DDR1: variants seen among roughly 807,000 people sequenced by gnomAD.
DDR1 encodes epithelial discoidin domain-containing receptor 1.
DDR1 carries 64 observed loss-of-function variants against 97.4 expected under a neutral mutation model. The observed-to-expected ratio is 0.66, with a 90% CI of 0.54 to 0.81. The LOEUF is 0.81. Among genes scored for constraint, DDR1 ranks in the 30% least tolerant of loss-of-function variants. The probability of loss-of-function intolerance (pLI) is 0.00; values close to 1 mark genes in which losing one functional copy is unlikely to be tolerated. For missense variants in DDR1, 990 were observed against 1,259.6 expected (o/e 0.79, Z 3.24); for synonymous variants, 458 against 503.7 (o/e 0.91, Z 1.21).
rs1245009371 is a variant in DDR1, at chr6:30,899,227, G to T, written c.2673G>T (p.Glu891Asp). 1 of 1,614,216 alleles carries T rather than the reference G, an allele frequency of 6.2e-7. No individual in the cohort carries two copies. The highest frequency in any genetic ancestry group is 8.5e-7 in the Non-Finnish European group (1 of 1,180,040). Residue 891 changes from glutamate to aspartate, a missense_variant, in exon 18 of 18, where the codon GAG becomes GAT. Transcript: ENST00000376568. ...TGATGCTTCGGTGCTGGAGCCGGGA[G>T]TCTGAGCAGCGACCACCCTTTTCCC... is the stretch of plus-strand genomic sequence containing the variant. ...YELMLRCWSR[E>D]SEQRPPFSQL... is the part of the protein sequence containing the mutation.
At chr6:30,885,244 T>C in intron 1 of DDR1, 1 of 1,532,952 alleles carries the variant, frequency 6.5e-7, no homozygotes, top group South Asian at 1.2e-5. Context: ...GAGCGCCAGC[T>C]TCAGGGTCCC....
At position 30,899,242 on chromosome 6, in the gene DDR1, A is replaced by G; in HGVS notation, c.2688A>G (p.Pro896=). 1 of 1,614,070 alleles carries G rather than the reference A, an allele frequency of 6.2e-7. No homozygotes were observed. Residue 896 remains proline, a synonymous_variant, in exon 18 of 18, where the codon CCA becomes CCG. Transcript: ENST00000376568. ...GGAGCCGGGAGTCTGAGCAGCGACC[A>G]CCCTTTTCCCAGCTGCATCGGTTCC... The part of the protein sequence containing the change: ...RCWSRESEQR[P]PFSQLHRFLA...
chr6:30,892,828 C>T, intron 8 of DDR1: 3 of 584,548 alleles, frequency 5.1e-6, no homozygotes, highest in Non-Finnish European at 8.9e-6. Flanking sequence ...TGAGAAATAG[C>T]CTCTTCTCTA....
intron 7 of DDR1, 45 bp downstream of exon 7, chr6:30,892,233 G>A (rs2150350624): frequency 6.2e-7 from 1 of 1,608,226 alleles, no homozygotes; most frequent in South Asian, 1.1e-5. Flanking sequence ...GCCATGCAGG[G>A]TGCCGTTGGG....
Position 30,888,081 on chromosome 6 carries a change from C to T in DDR1, c.-42-607C>T, listed in dbSNP as rs1228023532. ...CACTTTCTACCACTTTTATATGTTA[C>T]AGCCTTAAAAAAATATCTTGTCAGT... On this transcript the variant is annotated intron_variant, in intron 1 of 17. Transcript: ENST00000376568. The surrounding 1 kb of genome is among the most constrained non-coding windows in gnomAD (Gnocchi z 4.2). Among the ~76,000 whole-genome samples, 2 of 152,124 alleles carry T rather than the reference C, an allele frequency of 1.3e-5. No individual in the cohort carries two copies. The highest frequency in any genetic ancestry group is 4.8e-5 in the African/African-American group (2 of 41,424).
At chr6:30,892,958 T>G in intron 8 of DDR1, 110 bp from the exon 9 acceptor site, 1 of 971,530 alleles carries the variant, frequency 1.0e-6, no homozygotes, top group Non-Finnish European at 1.6e-6. Flanking sequence ...TGGTTGCCTA[T>G]TGAGAATCAC....
In DDR1 at chr6:30,897,191, G is replaced by C; in HGVS notation, c.1997+50G>C. Reference sequence around the variant, plus strand: ...AAGAAGGGAGGGGAGGCCGTGAAGAGTGGGGAGCCATCTAGAGAGAACAAT... The same window carrying C: ...AAGAAGGGAGGGGAGGCCGTGAAGACTGGGGAGCCATCTAGAGAGAACAAT... On this transcript the variant is annotated intron_variant, in intron 14 of 17. Coordinates refer to ENST00000376568, the MANE Select transcript of DDR1 (RefSeq NM_001297654.2). The surrounding 1 kb of genome is among the most constrained non-coding windows in gnomAD (Gnocchi z 5.2). 2.5e-6 allele frequency: 4 copies of C among 1,605,630 alleles called. No homozygotes were observed. Among genetic ancestry groups the C allele is most frequent in the Non-Finnish European group, 3.4e-6 (4 of 1,176,412 alleles).
chr6:30,899,073 G>A (rs770720488), intron 17 of DDR1, 36 bp downstream of exon 17: 15 of 1,614,114 alleles, frequency 9.3e-6, no homozygotes, highest in Middle Eastern at 1.6e-4. Flanking sequence ...GGTCCGAGGC[G>A]GGGGACAGAA....
Position 30,891,542 on chromosome 6 carries a change from T to TGG in DDR1, c.665+64_665+65insGG, listed in dbSNP as rs1788266287. On this transcript the variant is annotated intron_variant, in intron 6 of 17. Coordinates refer to ENST00000376568, the MANE Select transcript of DDR1 (RefSeq NM_001297654.2). This position sits in a 1 kb window ranked among gnomAD's most constrained non-coding sequence, Gnocchi z 5.3. ...GGAGGGAGGACTGTGTGTGTGTGTG[T>TGG]GTGTGTGTGTGTGTGAGAGTGTGTG... is the stretch of plus-strand genomic sequence containing the variant. 1.1e-6 allele frequency: 1 copy of TGG among 910,934 alleles called. No individual in the cohort carries two copies. Among genetic ancestry groups the TGG allele is most frequent in the African/African-American group, 1.6e-5 (1 of 61,252 alleles). 56.4% of individuals were successfully genotyped at this position (910,934 alleles called of 1,614,324 possible).
At chr6:30,896,918 G>A (rs1035627645) in intron 13 of DDR1, 53 bp downstream of exon 13, 3 of 1,563,504 alleles carry the variant, frequency 1.9e-6, no homozygotes, top group Middle Eastern at 1.7e-4. Flanking sequence ...CTGATGCCAT[G>A]CCTGCGCATC....
In DDR1 at chr6:30,894,456, G is replaced by C; in HGVS notation, c.1348-50G>C. 1 of 1,537,562 alleles carries C rather than the reference G, an allele frequency of 6.5e-7. No homozygotes were observed. Among genetic ancestry groups the C allele is most frequent in the Middle Eastern group, 1.7e-4 (1 of 5,740 alleles). ...CAGGGATGGACACAGCAGAGGGCCA[G>C]GCCGTGTGTGCTGAGCAACACGGGT... On this transcript the variant is annotated intron_variant, in intron 10 of 17. Transcript: ENST00000376568. The surrounding 1 kb of genome is among the most constrained non-coding windows in gnomAD (Gnocchi z 5.7).
Position 30,889,131 on chromosome 6 carries a change from G to A in DDR1, c.189-71G>A. On this transcript the variant is annotated intron_variant, in intron 3 of 17. Transcript: ENST00000376568. This position sits in a 1 kb window ranked among gnomAD's most constrained non-coding sequence, Gnocchi z 4.9. ...CCTGCAGGCTGAGGGGGCAAATGAA[G>A]TGGGGTTTAAATACTGGAGATGGAG... The A allele has an allele frequency of 6.3e-7, 1 of 1,588,276 alleles. No individual in the cohort carries two copies. The highest frequency in any genetic ancestry group is 8.6e-7 in the Non-Finnish European group (1 of 1,158,444).
chr6:30,887,937 G>A (rs936254643), intron 1 of DDR1, among the ~76,000 whole-genome samples: 8 of 152,094 alleles, frequency 5.3e-5, no homozygotes, highest in African/African-American at 1.9e-4. Flanking sequence ...CTTCTCTCTC[G>A]AGGGAATGCT....
At chr6:30,882,073 C>CCCAGCCTGCTCCT (rs1311849384), upstream of DDR1, 12 of 152,720 alleles carry the variant, frequency 7.9e-5, no homozygotes, top group African/African-American at 2.9e-4. This position sits in a 1 kb window ranked among gnomAD's most constrained non-coding sequence, Gnocchi z 4.8. Flanking sequence ...CAGCTGCTGA[C>CCCAGCCTGCTCCT]CCAGCCTGCT....
At chr6:30,881,556 C>T (rs1415834418), upstream of DDR1, among the ~76,000 whole-genome samples, 1 of 152,192 alleles carries the variant, frequency 6.6e-6, no homozygotes, top group Admixed American at 6.5e-5. Context: ...TGCTTCTTGT[C>T]CCCTTGATCT....
At position 30,886,495 on chromosome 6, in the gene DDR1, G is replaced by A. The variant is rs931045714; in HGVS notation, c.-43+1785G>A. Among the ~76,000 whole-genome samples the A allele has an allele frequency of 6.6e-6, 1 of 152,230 alleles. No homozygotes were observed. Among genetic ancestry groups the A allele is most frequent in the African/African-American group, 2.4e-5 (1 of 41,452 alleles). On this transcript the variant is annotated intron_variant, in intron 1 of 17. Transcript: ENST00000376568. The surrounding 1 kb of genome is among the most constrained non-coding windows in gnomAD (Gnocchi z 4.6). ...GCTGCTTCAGAGCTCTGGGGTCTCAGCTGCCTCTTACATTCCTGCCCTAGT... is the reference window on the plus strand; with the variant it reads ...GCTGCTTCAGAGCTCTGGGGTCTCAACTGCCTCTTACATTCCTGCCCTAGT...
chr6:30,899,409 T>C lies in DDR1; in HGVS notation c.*113T>C. ...CTTCCCCTCCCGACAGCCCATCACCTCTAATAGAGGCAGTGAGACTGCAGG... is the reference window on the plus strand; with the variant it reads ...CTTCCCCTCCCGACAGCCCATCACCCCTAATAGAGGCAGTGAGACTGCAGG... On this transcript the variant is annotated 3_prime_UTR_variant, in exon 18 of 18. Transcript: ENST00000376568. The C allele has an allele frequency of 7.2e-7, 1 of 1,382,088 alleles. No homozygotes were observed. Among genetic ancestry groups the C allele is most frequent in the Non-Finnish European group, 9.7e-7 (1 of 1,032,656 alleles). The allele number at this position is 1,382,088 out of a possible 1,614,324, so 85.6% of individuals were successfully genotyped here.
chr6:30,896,922 G>A (rs1388457077), intron 13 of DDR1, 57 bp downstream of exon 13: 5 of 1,564,414 alleles, frequency 3.2e-6, no homozygotes, highest in Non-Finnish European at 3.5e-6. Context: ...TGCCATGCCT[G>A]CGCATCCCCC....
chr6:30,898,027 A>C, intron 15 of DDR1, 46 bp from the exon 16 acceptor site: 1 of 1,470,078 alleles, frequency 6.8e-7, no homozygotes, highest in Non-Finnish European at 9.5e-7. Context: ...CTGGATGGGA[A>C]TCTGCGAAGC....
Sources: allele counts gnomAD v4.1 joint callset (sites outside exome capture counted in the v4.1 genomes callset), GRCh38; gene constraint gnomAD v4.1.1; non-coding constraint Gnocchi (gnomAD v3.1); transcripts MANE v1.5; gene names NCBI Gene and HGNC (gene_info 2026-07-23, HGNC 2026-07-21).